The following ADGRB3 variants were observed in gnomAD, a reference collection of about 807,000 sequenced individuals.
The protein encoded by ADGRB3 is adhesion G protein-coupled receptor B3, also known as brain-specific angiogenesis inhibitor 3.
Under a neutral mutation model 193.4 loss-of-function variants are expected in ADGRB3, and 37 were observed. The ratio of observed to expected loss-of-function variants is 0.19; its 90% CI spans 0.15 to 0.25. ADGRB3 has a LOEUF of 0.25. ADGRB3 is among the 10% of genes least tolerant of loss of function. The probability of loss-of-function intolerance (pLI) is 1.00; values close to 1 mark genes in which losing one functional copy is unlikely to be tolerated. For missense variants in ADGRB3, 1,637 were observed against 1,852.9 expected (o/e 0.88, Z 2.14); for synonymous variants, 690 against 644.2 (o/e 1.07, Z -1.08).
intron 26 of ADGRB3, among the ~76,000 whole-genome samples, chr6:69,346,656 C>A (rs1769094583): frequency 6.6e-6 from 1 of 152,180 alleles, no homozygotes; most frequent in African/African-American, 2.4e-5. Context: ...CAGTGAGATA[C>A]CGTCTCATGC....
At chr6:69,331,509 A>T in intron 23 of ADGRB3, 1 of 984,704 alleles carries the variant, frequency 1.0e-6, no homozygotes, top group Non-Finnish European at 1.2e-6. Flanking sequence ...ACTAATTCTG[A>T]TATGTCTGTT....
chr6:69,351,482 G>T (rs551874933), intron 26 of ADGRB3, among the ~76,000 whole-genome samples: 3 of 152,110 alleles, frequency 2.0e-5, no homozygotes, highest in Non-Finnish European at 4.4e-5. Flanking sequence ...TAAATTAGAG[G>T]TATCAGAGGC....
chr6:68,964,244 C>T (rs907618448), intron 8 of ADGRB3, among the ~76,000 whole-genome samples: 48 of 152,172 alleles, frequency 3.2e-4, no homozygotes, highest in African/African-American at 1.1e-3. Context: ...GTTTCTATAG[C>T]GAGTTGTTCA....
intron 30 of ADGRB3, among the ~76,000 whole-genome samples, chr6:69,374,106 A>C (rs1769763399): frequency 6.6e-6 from 1 of 152,044 alleles, no homozygotes; most frequent in Admixed American, 6.6e-5. Context: ...TAGCTCTTTA[A>C]TTGCTGTAAT....
At chr6:68,736,176 C>T (rs921179871) in intron 3 of ADGRB3, among the ~76,000 whole-genome samples, 5 of 122,750 alleles carry the variant, frequency 4.1e-5, no homozygotes, top group African/African-American at 1.7e-4. Context: ...ACATGACTGG[C>T]TAATTAAAAA....
chr6:69,197,731 A>G (rs1765331820), intron 17 of ADGRB3, among the ~76,000 whole-genome samples: 1 of 152,044 alleles, frequency 6.6e-6, no homozygotes, highest in Non-Finnish European at 1.5e-5. Flanking sequence ...AAATATTATC[A>G]AGTGTAGGTA....
chr6:69,351,717 T>G (rs1769230407), intron 26 of ADGRB3, among the ~76,000 whole-genome samples: 1 of 152,206 alleles, frequency 6.6e-6, no homozygotes, highest in Non-Finnish European at 1.5e-5. Flanking sequence ...GTGTGTGTGT[T>G]CTGAAAAGAC....
At chr6:68,792,053 G>T (rs143441012) in intron 3 of ADGRB3, among the ~76,000 whole-genome samples, 80 of 152,244 alleles carry the variant, frequency 5.3e-4, no homozygotes, top group African/African-American at 1.7e-3. Flanking sequence ...TAAAAAGATG[G>T]AGATTGCTTT....
At chr6:69,227,408 A>G (rs746355790) in intron 17 of ADGRB3, among the ~76,000 whole-genome samples, 4 of 152,174 alleles carry the variant, frequency 2.6e-5, no homozygotes, top group Non-Finnish European at 5.9e-5. Context: ...AAGGAGTGAC[A>G]TGATTTTTAG....
chr6:69,304,201 A>G (rs1427096799), intron 20 of ADGRB3, among the ~76,000 whole-genome samples: 3 of 151,850 alleles, frequency 2.0e-5, no homozygotes, highest in African/African-American at 7.2e-5. Context: ...GACTTTTTAA[A>G]TATTTGGGTT....
chr6:68,657,543 G>A (rs1768519836), intron 3 of ADGRB3, among the ~76,000 whole-genome samples: 1 of 151,350 alleles, frequency 6.6e-6, no homozygotes, highest in African/African-American at 2.4e-5. Context: ...TGATAGGTGG[G>A]ACTATTTCAG....
intron 20 of ADGRB3, among the ~76,000 whole-genome samples, chr6:69,259,403 C>T (rs879151192): frequency 1.3e-5 from 2 of 152,116 alleles, no homozygotes; most frequent in Admixed American, 6.5e-5. Context: ...AACCTTAAAA[C>T]TTCTAAAATG....
chr6:69,114,281 C>T (rs764027457), intron 17 of ADGRB3, among the ~76,000 whole-genome samples: 28 of 152,110 alleles, frequency 1.8e-4, no homozygotes, highest in Non-Finnish European at 3.1e-4. Context: ...TTCTTTCACT[C>T]CAAACTCTTG....
At chr6:69,344,960 G>T (rs932384321) in intron 26 of ADGRB3, among the ~76,000 whole-genome samples, 2 of 152,032 alleles carry the variant, frequency 1.3e-5, no homozygotes, top group Non-Finnish European at 2.9e-5. Flanking sequence ...GCACATGGAG[G>T]CATAAAGCAA....
chr6:69,230,437 C>T (rs1766107410), intron 17 of ADGRB3, among the ~76,000 whole-genome samples: 2 of 152,126 alleles, frequency 1.3e-5, no homozygotes, highest in Non-Finnish European at 2.9e-5. Context: ...TTTTGCTTCA[C>T]ATTTGCTCTG....
At chr6:69,374,021 A>G (rs191369002) in intron 30 of ADGRB3, among the ~76,000 whole-genome samples, 1 of 152,148 alleles carries the variant, frequency 6.6e-6, no homozygotes, top group Admixed American at 6.6e-5. Context: ...TATTCCACCC[A>G]TAAAACCATG....
chr6:69,055,803 T>C (rs191820328), intron 15 of ADGRB3, among the ~76,000 whole-genome samples: 73 of 146,304 alleles, frequency 5.0e-4, no homozygotes, highest in African/African-American at 1.5e-3. Context: ...GTTTTTTTGT[T>C]TTTGTTTTTT....
At chr6:69,303,201 G>A (rs1767984761) in intron 20 of ADGRB3, among the ~76,000 whole-genome samples, 2 of 151,764 alleles carry the variant, frequency 1.3e-5, no homozygotes, top group South Asian at 2.1e-4. Context: ...TTACAACATG[G>A]ATCCTTATAT....
intron 17 of ADGRB3, among the ~76,000 whole-genome samples, chr6:69,174,935 T>C (rs923482538): frequency 6.6e-5 from 10 of 152,336 alleles, no homozygotes; most frequent in African/African-American, 2.4e-4. Context: ...TCAACTGTCT[T>C]TTGCCCATTT....
Sources: allele counts gnomAD v4.1 joint callset (sites outside exome capture counted in the v4.1 genomes callset), GRCh38; gene constraint gnomAD v4.1.1; transcripts MANE v1.5; gene names NCBI Gene and HGNC (gene_info 2026-07-23, HGNC 2026-07-21).